The following EGF variants were observed in gnomAD, a reference collection of about 807,000 sequenced individuals.
The protein encoded by EGF is epidermal growth factor.
In EGF, 95 loss-of-function variants were observed where a neutral mutation model predicts 143.8. That is an observed-to-expected ratio of 0.66 (90% confidence interval 0.56 to 0.78). EGF has a LOEUF of 0.78. Among genes scored for constraint, EGF ranks in the 30% least tolerant of loss-of-function variants. The pLI is 0.00. For missense variants in EGF, 1,320 were observed against 1,470.9 expected (o/e 0.90, Z 1.68); for synonymous variants, 510 against 510.5 (o/e 1.00, Z 0.01).
intron 8 of EGF, among the ~76,000 whole-genome samples, chr4:109,962,416 C>T (rs1406012382): frequency 1.3e-5 from 2 of 152,170 alleles, no homozygotes; most frequent in Non-Finnish European, 2.9e-5. Flanking sequence ...TTCATAGAGA[C>T]TTAAGTATAT....
chr4:109,935,520 T>C (rs1284357687), intron 1 of EGF, among the ~76,000 whole-genome samples: 2 of 152,154 alleles, frequency 1.3e-5, no homozygotes, highest in African/African-American at 2.4e-5. Flanking sequence ...TTGACGTCCC[T>C]TTTTCCTAAT....
intron 1 of EGF, among the ~76,000 whole-genome samples, chr4:109,935,804 G>A (rs1352255807): frequency 2.0e-5 from 3 of 152,090 alleles, no homozygotes; most frequent in Non-Finnish European, 4.4e-5. Context: ...TGAGATAATC[G>A]TGTGGTTTTT....
intron 5 of EGF, among the ~76,000 whole-genome samples, chr4:109,953,132 T>A (rs1264306651): frequency 1.3e-5 from 2 of 152,202 alleles, no homozygotes; most frequent in African/African-American, 4.8e-5. Flanking sequence ...TCAAGAATGC[T>A]TTATGGGTGG....
intron 1 of EGF, among the ~76,000 whole-genome samples, chr4:109,919,263 G>C (rs943264173): frequency 1.4e-5 from 2 of 145,828 alleles, no homozygotes; most frequent in Non-Finnish European, 3.0e-5. Context: ...GGCAGTCCCA[G>C]GTATTAGGAA....
At chr4:109,968,475 T>G (rs1746964484) in intron 10 of EGF, among the ~76,000 whole-genome samples, 1 of 152,086 alleles carries the variant, frequency 6.6e-6, no homozygotes, top group African/African-American at 2.4e-5. Flanking sequence ...GAAGCCACAG[T>G]AGTTCAAGCA....
chr4:109,987,629 C>T (rs1378529826), intron 16 of EGF, 115 bp from the exon 17 acceptor site: 3 of 859,622 alleles, frequency 3.5e-6, no homozygotes, highest in Non-Finnish European at 2.0e-6. Flanking sequence ...GGAGGTTAAC[C>T]TGTCCCAGAA....
At chr4:109,979,831 G>C in intron 13 of EGF, 141 bp from the exon 14 acceptor site, 1 of 899,542 alleles carries the variant, frequency 1.1e-6, no homozygotes, top group Non-Finnish European at 1.7e-6. Context: ...TGTGTGAGTC[G>C]GTGGCTCACT....
At chr4:109,988,547 G>A (rs757971259) in intron 17 of EGF, 37 bp from the exon 18 acceptor site, 1 of 1,613,354 alleles carries the variant, frequency 6.2e-7, no homozygotes, top group South Asian at 1.1e-5. Context: ...TATCAGGATT[G>A]CCTAAATATT....
At chr4:109,961,458 T>C (rs914806934) in intron 7 of EGF, among the ~76,000 whole-genome samples, 2 of 152,236 alleles carry the variant, frequency 1.3e-5, no homozygotes, top group Admixed American at 1.3e-4. Context: ...CTATGTATTA[T>C]AGGTATTTTC....
intron 10 of EGF, among the ~76,000 whole-genome samples, chr4:109,965,696 C>T (rs566493014): frequency 5.3e-4 from 80 of 152,078 alleles, no homozygotes; most frequent in Non-Finnish European, 1.9e-4. Context: ...ATCTTTGAGC[C>T]AGCAGTGTCA....
At chr4:109,927,387 G>A (rs1029618211) in intron 1 of EGF, among the ~76,000 whole-genome samples, 2 of 152,008 alleles carry the variant, frequency 1.3e-5, no homozygotes, top group Non-Finnish European at 2.9e-5. Flanking sequence ...CATGCGGGGG[G>A]ACTTTTGGGA....
At chr4:109,942,268 C>T (rs1281376210) in intron 2 of EGF, among the ~76,000 whole-genome samples, 1 of 152,196 alleles carries the variant, frequency 6.6e-6, no homozygotes, top group Non-Finnish European at 1.5e-5. Flanking sequence ...CCTTATATTC[C>T]TTCCTTTGGG....
intron 11 of EGF, among the ~76,000 whole-genome samples, chr4:109,969,502 A>C (rs987798504): frequency 1.3e-5 from 2 of 152,146 alleles, no homozygotes; most frequent in African/African-American, 4.8e-5. Context: ...TACCTAATGT[A>C]GATGACGGGT....
At chr4:109,970,274 C>T (rs371435306) in intron 11 of EGF, among the ~76,000 whole-genome samples, 8 of 152,214 alleles carry the variant, frequency 5.3e-5, no homozygotes, top group Admixed American at 1.3e-4. Context: ...AAGCTGCTAA[C>T]GATAGACCCC....
intron 15 of EGF, among the ~76,000 whole-genome samples, chr4:109,982,095 T>A (rs1299584780): frequency 6.6e-6 from 1 of 151,308 alleles, no homozygotes; most frequent in Non-Finnish European, 1.5e-5. Context: ...CCACCATGCC[T>A]GGCTAATTTA....
chr4:109,984,947 C>T lies in EGF; in HGVS notation c.2491+1406C>T, dbSNP rs115357095. On this transcript the variant is annotated intron_variant, in intron 16 of 23. Coordinates refer to ENST00000265171, the MANE Select transcript of EGF (RefSeq NM_001963.6). ...ATGAGCTAAATACCATCCCAGTCCT[C>T]AAGGCCACAGTTAGTTGTGGAGACA... 7.7e-3 allele frequency among the ~76,000 whole-genome samples: 1,166 copies of T among 152,292 alleles called. 20 individuals are homozygous for T. Among genetic ancestry groups the T allele is most frequent in the African/African-American group, 0.027 (1,103 of 41,570 alleles).
intron 1 of EGF, among the ~76,000 whole-genome samples, chr4:109,919,418 C>G (rs1737385152): frequency 6.6e-6 from 1 of 151,394 alleles, no homozygotes; most frequent in Non-Finnish European, 1.5e-5. Flanking sequence ...TGGGAAGGGA[C>G]TACTGCACTT....
intron 18 of EGF, 22 bp downstream of exon 18, chr4:109,988,731 G>T: frequency 6.2e-7 from 1 of 1,613,448 alleles, no homozygotes; most frequent in South Asian, 1.1e-5. Context: ...CATGTGCTGG[G>T]GAGGAGGGCA....
Position 109,944,331 on chromosome 4 carries a change from C to T in EGF, c.737+262C>T, listed in dbSNP as rs11568907. Among the ~76,000 whole-genome samples the T allele has an allele frequency of 0.017, 2,510 of 150,252 alleles. 92 individuals carry two copies. The highest frequency in any genetic ancestry group is 0.059 in the African/African-American group (2,333 of 39,766). ...GCGAGCACCTGTAGTCCCAGCTATT[C>T]GGGAGGCTGAGGCAGGAGAATGGCG... On this transcript the variant is annotated intron_variant, in intron 4 of 23. Transcript: ENST00000265171.
Sources: gnomAD v4.1 joint callset for allele counts (sites outside exome capture counted in the v4.1 genomes callset) on GRCh38, gnomAD v4.1.1 for gene constraint, MANE v1.5 for transcripts, NCBI Gene and HGNC (gene_info 2026-07-23, HGNC 2026-07-21) for gene names.